The following SLCO1A2 variants were observed in gnomAD, a reference collection of about 807,000 sequenced individuals.
SLCO1A2 encodes solute carrier organic anion transporter family member 1A2.
A neutral mutation model predicts 69.0 loss-of-function variants in SLCO1A2; 67 were observed. That is an observed-to-expected ratio of 0.97 (90% confidence interval 0.80 to 1.19). The LOEUF is 1.19. Among genes scored for constraint, SLCO1A2 ranks in the 50% most tolerant of loss-of-function variants. SLCO1A2 has a pLI of 0.00. For synonymous variants in SLCO1A2, 260 were observed against 265.9 expected (o/e 0.98, Z 0.22); for missense variants, 787 against 793.7 (o/e 0.99, Z 0.10).
At chr12:21,328,996 A>G (rs1035931714) in intron 2 of SLCO1A2, among the ~76,000 whole-genome samples, 2 of 152,162 alleles carry the variant, frequency 1.3e-5, no homozygotes, top group Non-Finnish European at 2.9e-5. Context: ...TCCCATTTCC[A>G]GAGTAAACAG....
chr12:21,401,816 C>A (rs189374923), intron 1 of SLCO1A2, among the ~76,000 whole-genome samples: 1 of 151,614 alleles, frequency 6.6e-6, no homozygotes, highest in East Asian at 1.9e-4. Flanking sequence ...GTACTAGTTA[C>A]TGTACAAAAC....
intron 1 of SLCO1A2, among the ~76,000 whole-genome samples, chr12:21,401,106 G>A (rs1054233728): frequency 9.9e-5 from 15 of 151,294 alleles, no homozygotes; most frequent in Non-Finnish European, 1.8e-4. Flanking sequence ...TCACTGTTGT[G>A]GTATTTCTTG....
At chr12:21,404,481 G>A (rs1941789879) in intron 1 of SLCO1A2, among the ~76,000 whole-genome samples, 1 of 152,136 alleles carries the variant, frequency 6.6e-6, no homozygotes, top group Non-Finnish European at 1.5e-5. Context: ...TGAGAAACAT[G>A]TGGTGTTTAG....
chr12:21,379,427 G>A (rs773195602), intron 1 of SLCO1A2: 7 of 152,264 alleles, frequency 4.6e-5, no homozygotes, highest in Admixed American at 6.5e-5. Context: ...AGGGTATTGC[G>A]AAACAACTTG....
rs1413440678 is a variant in SLCO1A2, at chr12:21,318,979, C to T, written c.61-56G>A. On this transcript the variant is annotated intron_variant, in intron 2 of 14. Transcript: ENST00000683939. ...AAATTATTTTTAAATTGTATACTTG[C>T]CGTCTGTTGACAAAATGCCTTCCAC... 5 of 1,357,806 alleles carry T rather than the reference C, an allele frequency of 3.7e-6. No individual in the cohort carries two copies. In the East Asian group the frequency reaches 9.7e-5, roughly 26 times the overall value. The allele number at this position is 1,357,806 out of a possible 1,614,324, so 84.1% of individuals were successfully genotyped here. A position where few individuals can be genotyped will look rare whatever the true frequency, so the allele number is the denominator to read the frequency against.
intron 11 of SLCO1A2, 124 bp downstream of exon 11, chr12:21,293,821 C>T: frequency 1.4e-6 from 1 of 708,746 alleles, no homozygotes; most frequent in African/African-American, 1.9e-5. Flanking sequence ...TATTTTTCCA[C>T]ATACAAAAAA....
chr12:21,364,210 G>A (rs1161248297), intron 2 of SLCO1A2, among the ~76,000 whole-genome samples: 2 of 152,144 alleles, frequency 1.3e-5, no homozygotes, highest in African/African-American at 2.4e-5. Context: ...TGATCAAGTT[G>A]GCTTCATCCC....
chr12:21,397,000 A>G (rs1421148544), upstream of SLCO1A2, among the ~76,000 whole-genome samples: 1 of 151,928 alleles, frequency 6.6e-6, no homozygotes, highest in Admixed American at 6.6e-5. Context: ...TCATAATGAC[A>G]GGATCAAATT....
At chr12:21,285,043 C>T (rs1415349481) in intron 12 of SLCO1A2, among the ~76,000 whole-genome samples, 1 of 130,564 alleles carries the variant, frequency 7.7e-6, no homozygotes, top group Non-Finnish European at 1.6e-5. Flanking sequence ...ATAAAAAACC[C>T]TTCAAAAAAT....
intron 3 of SLCO1A2, among the ~76,000 whole-genome samples, chr12:21,318,376 C>T (rs1359129366): frequency 1.3e-5 from 2 of 152,154 alleles, no homozygotes; most frequent in Non-Finnish European, 2.9e-5. Flanking sequence ...ATCTCCGCCT[C>T]CCAAAGTGCT....
chr12:21,416,600 G>A (rs760833333), intron 1 of SLCO1A2, among the ~76,000 whole-genome samples: 3 of 151,844 alleles, frequency 2.0e-5, no homozygotes, highest in Non-Finnish European at 4.4e-5. Context: ...TCTGCAGGCT[G>A]GTCTTGTTTA....
intron 1 of SLCO1A2, chr12:21,379,792 T>C (rs1940472618): frequency 6.6e-6 from 1 of 152,194 alleles, no homozygotes; most frequent in African/African-American, 2.4e-5. Context: ...ATTTGACTCA[T>C]TGACTTACAT....
At chr12:21,291,412 A>C (rs1946825472) in intron 12 of SLCO1A2, among the ~76,000 whole-genome samples, 1 of 152,192 alleles carries the variant, frequency 6.6e-6, no homozygotes, top group Non-Finnish European at 1.5e-5. Context: ...TAAATAAATA[A>C]ATGAAGTAAA....
rs187284315 is a variant in SLCO1A2, at chr12:21,319,703, T to C, written c.61-780A>G. Reference sequence around the variant, plus strand: ...CTGTTTATCCTTACTGCTTGCCTAATATATATACTATAAATTTCCATAGGT... The same window carrying C: ...CTGTTTATCCTTACTGCTTGCCTAACATATATACTATAAATTTCCATAGGT... On this transcript the variant is annotated intron_variant, in intron 2 of 14. Transcript: ENST00000683939. 9.0e-5 allele frequency: 26 copies of C among 290,072 alleles called. No individual in the cohort carries two copies. In the East Asian group the frequency reaches 2.0e-3, roughly 22 times the overall value. The allele number at this position is 290,072 out of a possible 1,614,324, so 18.0% of individuals were successfully genotyped here. A position where few individuals can be genotyped will look rare whatever the true frequency, so the allele number is the denominator to read the frequency against.
At chr12:21,387,385 G>A (rs1438888860) in intron 1 of SLCO1A2, among the ~76,000 whole-genome samples, 1 of 152,124 alleles carries the variant, frequency 6.6e-6, no homozygotes, top group Non-Finnish European at 1.5e-5. Flanking sequence ...GAGGAAAAAT[G>A]ATTTCCTGGG....
chr12:21,271,175 A>T (rs774431950), intron 14 of SLCO1A2, among the ~76,000 whole-genome samples: 6 of 151,824 alleles, frequency 4.0e-5, no homozygotes, highest in Non-Finnish European at 7.4e-5. Context: ...TTTGAGGAAC[A>T]CTAAATCCTG....
At chr12:21,344,917 G>A (rs1953203383) in intron 2 of SLCO1A2, among the ~76,000 whole-genome samples, 1 of 151,668 alleles carries the variant, frequency 6.6e-6, no homozygotes, top group Admixed American at 6.6e-5. Flanking sequence ...ACCTTTTCTT[G>A]ATAAAATCAC....
chr12:21,316,960 T>C (rs1189148184), intron 3 of SLCO1A2, among the ~76,000 whole-genome samples: 2 of 152,240 alleles, frequency 1.3e-5, no homozygotes, highest in Non-Finnish European at 2.9e-5. Flanking sequence ...ATAATTACTT[T>C]AAAATTAGTA....
At chr12:21,356,531 T>C (rs1294550038) in intron 2 of SLCO1A2, among the ~76,000 whole-genome samples, 1 of 128,836 alleles carries the variant, frequency 7.8e-6, no homozygotes, top group Non-Finnish European at 1.7e-5. Flanking sequence ...AAGAAAAAAA[T>C]GAGTCATGAT....
Sources: gnomAD v4.1 joint callset for allele counts (sites outside exome capture counted in the v4.1 genomes callset) on GRCh38, gnomAD v4.1.1 for gene constraint, MANE v1.5 for transcripts, NCBI Gene and HGNC (gene_info 2026-07-23, HGNC 2026-07-21) for gene names.